Variants in FAM135B observed in about 807,000 individuals in gnomAD.
The protein encoded by FAM135B is protein FAM135B.
In FAM135B, 43 loss-of-function variants were observed where a neutral mutation model predicts 127.7. The ratio of observed to expected loss-of-function variants is 0.34; its 90% CI spans 0.26 to 0.43. The LOEUF (loss-of-function observed/expected upper bound fraction) is 0.43, where lower values mean the gene tolerates loss of function less well. Ranked by LOEUF, FAM135B falls within the 20% of genes least tolerant of loss-of-function variation. The probability of loss-of-function intolerance (pLI) is 1.00; values close to 1 mark genes in which losing one functional copy is unlikely to be tolerated. For missense variants in FAM135B, 1,558 were observed against 1,725.6 expected (o/e 0.90, Z 1.72); for synonymous variants, 670 against 665.1 (o/e 1.01, Z -0.11).
intron 12 of FAM135B, among the ~76,000 whole-genome samples, chr8:138,166,648 T>C (rs759944657): frequency 1.3e-5 from 2 of 152,298 alleles, no homozygotes; most frequent in Admixed American, 6.5e-5. Flanking sequence ...AAAACATCAT[T>C]AAACTTACAG....
rs139081913 is a variant in FAM135B, at chr8:138,285,377, C to T, written c.158-19535G>A. On this transcript the variant is annotated intron_variant, in intron 3 of 19. Transcript: ENST00000395297. ...GGCCAGGCTGGTCTTGAACTCTTGACCTCAGGTTATACGCCCACCTCGGCC... is the reference window on the plus strand; with the variant it reads ...GGCCAGGCTGGTCTTGAACTCTTGATCTCAGGTTATACGCCCACCTCGGCC... Among the ~76,000 whole-genome samples the T allele has an allele frequency of 3.7e-3, 569 of 152,050 alleles. 6 individuals are homozygous for T. The highest frequency in any genetic ancestry group is 0.013 in the African/African-American group (530 of 41,506).
intron 7 of FAM135B, among the ~76,000 whole-genome samples, chr8:138,233,553 T>C (rs1471495305): frequency 6.6e-6 from 1 of 152,118 alleles, no homozygotes; most frequent in Non-Finnish European, 1.5e-5. Context: ...GACCCAAAAC[T>C]GTAAAACTCC....
intron 1 of FAM135B, among the ~76,000 whole-genome samples, chr8:138,377,444 G>C (rs962711285): frequency 1.3e-5 from 2 of 152,134 alleles, no homozygotes; most frequent in Non-Finnish European, 2.9e-5. Flanking sequence ...GTGGAGGCTG[G>C]GAAGTCCAAG....
At chr8:138,408,468 A>T (rs1235769927) in intron 1 of FAM135B, among the ~76,000 whole-genome samples, 1 of 152,106 alleles carries the variant, frequency 6.6e-6, no homozygotes, top group East Asian at 1.9e-4. Context: ...CACCTCTCTC[A>T]GCCACTATAG....
At chr8:138,163,132 G>C (rs560875452) in intron 12 of FAM135B, among the ~76,000 whole-genome samples, 6 of 152,316 alleles carry the variant, frequency 3.9e-5, no homozygotes, top group African/African-American at 1.4e-4. Flanking sequence ...CTTTATGCCA[G>C]TTGCTCTTTT....
chr8:138,144,933 G>A (rs781253296), intron 15 of FAM135B, among the ~76,000 whole-genome samples: 92 of 152,284 alleles, frequency 6.0e-4, no homozygotes, highest in Non-Finnish European at 1.1e-3. Context: ...AACACAAAGT[G>A]AGCAAGTGCT....
Position 138,468,807 on chromosome 8 carries a change from G to T in FAM135B, c.-20+27864C>A, listed in dbSNP as rs185733045. Among the ~76,000 whole-genome samples, 76 of 152,312 alleles carry T rather than the reference G, an allele frequency of 5.0e-4. 1 individual carries two copies. The highest frequency in any genetic ancestry group is 1.7e-3 in the African/African-American group (72 of 41,570). On this transcript the variant is annotated intron_variant, in intron 1 of 19. Coordinates refer to ENST00000395297, the MANE Select transcript of FAM135B (RefSeq NM_015912.4). ...TGCCTGTAATCCCAGCACATTGGGA[G>T]GCCAAGGCGGGCAGATCACCTGAGG...
At chr8:138,170,017 A>C (rs1381814077) in intron 11 of FAM135B, among the ~76,000 whole-genome samples, 1 of 152,176 alleles carries the variant, frequency 6.6e-6, no homozygotes, top group Non-Finnish European at 1.5e-5. Flanking sequence ...GAAACTGAGG[A>C]GTCTGGCTCT....
intron 2 of FAM135B, among the ~76,000 whole-genome samples, chr8:138,336,610 A>T (rs1023859431): frequency 6.6e-6 from 1 of 152,216 alleles, no homozygotes; most frequent in Non-Finnish European, 1.5e-5. Context: ...TTGAGGCAAT[A>T]ACTAATAGCT....
chr8:138,163,501 A>C (rs1418236374), intron 12 of FAM135B, among the ~76,000 whole-genome samples: 1 of 152,066 alleles, frequency 6.6e-6, no homozygotes, highest in Non-Finnish European at 1.5e-5. Flanking sequence ...GGTGGGACTT[A>C]ATTGAATCAT....
chr8:138,242,918 G>T lies in FAM135B; in HGVS notation c.669+24C>A. The T allele has an allele frequency of 1.3e-6, 2 of 1,595,274 alleles. No homozygotes were observed. Among genetic ancestry groups the T allele is most frequent in the Non-Finnish European group, 1.7e-6 (2 of 1,173,792 alleles). On this transcript the variant is annotated intron_variant, in intron 7 of 19. Transcript: ENST00000395297. This position sits in a 1 kb window ranked among gnomAD's most constrained non-coding sequence, Gnocchi z 9.6. ...CAAAGTAAAGTTTGAAAGTTTTGAA[G>T]CAACTGCCCCACACAGGCCTTACCT...
rs2130762409 is a variant in FAM135B, at chr8:138,152,254, T to C, written c.2221A>G (p.Ser741Gly). 6.2e-7 allele frequency: 1 copy of C among 1,614,136 alleles called. No homozygotes were observed. The highest frequency in any genetic ancestry group is 8.5e-7 in the Non-Finnish European group (1 of 1,180,042). Residue 741 changes from serine to glycine, a missense_variant, in exon 13 of 20, where the codon AGC becomes GGC. Physicochemically the swap from Ser to Gly is moderately conservative, Grantham distance 56. Coordinates refer to ENST00000395297, the MANE Select transcript of FAM135B (RefSeq NM_015912.4). ...GHTESNTSLP[S>G]GIQASLTSIS... ...GAGGTGAGAGAAGCCTGGATGCCGC[T>C]TGGCAAACTTGTGTTACTTTCTGTG... is the stretch of plus-strand genomic sequence containing the variant.
chr8:138,377,278 T>C (rs1268703323), intron 1 of FAM135B, among the ~76,000 whole-genome samples: 1 of 152,160 alleles, frequency 6.6e-6, no homozygotes, highest in Non-Finnish European at 1.5e-5. Flanking sequence ...AATTGCACTA[T>C]AGGAGATGGG....
chr8:138,153,074 TG>T lies in FAM135B; in HGVS notation c.1400del (p.Pro467HisfsTer11). The T allele has an allele frequency of 6.2e-7, 1 of 1,614,226 alleles. No individual in the cohort carries two copies. Among genetic ancestry groups the T allele is most frequent in the Non-Finnish European group, 8.5e-7 (1 of 1,180,034 alleles). On this transcript the variant is annotated frameshift_variant, in exon 13 of 20. Transcript: ENST00000395297. LOFTEE classifies it high-confidence loss of function. ...REDLVLSTIK[P>X]SQMDSDEEVI... is the part of the protein sequence containing the mutation. ...CTTCTTCATCAGAATCCATTTGGGA[TG>T]GTTTTATGGTAGACAAGACAAGGTC...
intron 7 of FAM135B, among the ~76,000 whole-genome samples, chr8:138,211,559 CAT>C (rs1212543336): frequency 2.6e-5 from 4 of 152,226 alleles, no homozygotes; most frequent in African/African-American, 9.6e-5. Context: ...AGTTGTTAAA[CAT>C]ATGGCCATGC....
At chr8:138,204,680 CA>C (rs1486074185) in intron 7 of FAM135B, among the ~76,000 whole-genome samples, 1 of 152,162 alleles carries the variant, frequency 6.6e-6, no homozygotes. Context: ...TCCTAGATTA[CA>C]ATAATAATCA....
chr8:138,428,029 A>G (rs79574461), intron 1 of FAM135B, among the ~76,000 whole-genome samples: 569 of 152,286 alleles, frequency 3.7e-3, no homozygotes, highest in African/African-American at 0.013. Context: ...TCCAATAGCA[A>G]TAACAGCACC....
intron 1 of FAM135B, among the ~76,000 whole-genome samples, chr8:138,408,119 T>C (rs150595564): frequency 7.0e-4 from 106 of 152,318 alleles, no homozygotes; most frequent in African/African-American, 2.5e-3. Context: ...TGGCTTCAAC[T>C]TAAAGTCATC....
chr8:138,188,698 C>A (rs1187216254), intron 9 of FAM135B, among the ~76,000 whole-genome samples: 1 of 152,156 alleles, frequency 6.6e-6, no homozygotes. Flanking sequence ...CTTCCTGCAG[C>A]CCTGCCCACT....
Sources: gnomAD v4.1 joint callset for allele counts (sites outside exome capture counted in the v4.1 genomes callset) on GRCh38, gnomAD v4.1.1 for gene constraint, Gnocchi (gnomAD v3.1) non-coding constraint, MANE v1.5 for transcripts, NCBI Gene and HGNC (gene_info 2026-07-23, HGNC 2026-07-21) for gene names.